Variants in DPYD observed in about 807,000 individuals in gnomAD.
The protein encoded by DPYD is dihydropyrimidine dehydrogenase [NADP(+)].
In DPYD, 109 loss-of-function variants were observed where a neutral mutation model predicts 116.2. The ratio of observed to expected loss-of-function variants is 0.94; its 90% CI spans 0.80 to 1.10. DPYD has a LOEUF of 1.10. DPYD is among the 50% of genes least tolerant of loss of function. The pLI is 0.00. For missense variants in DPYD, 1,302 were observed against 1,254.5 expected (o/e 1.04, Z -0.57); for synonymous variants, 440 against 432.0 (o/e 1.02, Z -0.23).
At chr1:97,750,725 C>T (rs1056506356) in intron 3 of DPYD, among the ~76,000 whole-genome samples, 5 of 152,134 alleles carry the variant, frequency 3.3e-5, no homozygotes, top group African/African-American at 4.8e-5. Context: ...ATTCAATTTA[C>T]ACAGGTTTGA....
intron 1 of DPYD, among the ~76,000 whole-genome samples, chr1:97,912,609 G>A (rs1674005919): frequency 1.3e-5 from 2 of 150,904 alleles, no homozygotes; most frequent in South Asian, 2.1e-4. Context: ...TTAGTTTTTT[G>A]TATGTTTTAA....
chr1:97,569,806 A>G (rs1430411849), intron 11 of DPYD, among the ~76,000 whole-genome samples: 6 of 152,062 alleles, frequency 3.9e-5, no homozygotes, highest in Admixed American at 3.9e-4. Context: ...AATTATGCTG[A>G]TCGGCACATA....
chr1:97,361,573 G>A (rs1473446004), intron 16 of DPYD, among the ~76,000 whole-genome samples: 2 of 152,124 alleles, frequency 1.3e-5, no homozygotes, highest in African/African-American at 2.4e-5. Context: ...CTGGCAAAGC[G>A]AATCCAGCAG....
chr1:97,691,005 T>G (rs570586558), intron 7 of DPYD, among the ~76,000 whole-genome samples: 1 of 152,158 alleles, frequency 6.6e-6, no homozygotes, highest in African/African-American at 2.4e-5. Flanking sequence ...GCATGTATTA[T>G]GTAAATCACA....
intron 2 of DPYD, among the ~76,000 whole-genome samples, chr1:97,834,342 C>A (rs934439733): frequency 2.6e-5 from 4 of 151,602 alleles, no homozygotes; most frequent in African/African-American, 9.7e-5. Flanking sequence ...CATTGAGACA[C>A]CAAGGTTTAA....
At chr1:97,224,378 T>C (rs1289584863) in intron 19 of DPYD, among the ~76,000 whole-genome samples, 1 of 152,034 alleles carries the variant, frequency 6.6e-6, no homozygotes, top group East Asian at 1.9e-4. Context: ...TGAAGCATTT[T>C]ATCCATTTTA....
At chr1:97,840,759 GAAC>G (rs1447609135) in intron 2 of DPYD, among the ~76,000 whole-genome samples, 4 of 152,040 alleles carry the variant, frequency 2.6e-5, no homozygotes, top group Non-Finnish European at 5.9e-5. Context: ...CAAATTCAAG[GAAC>G]AACAGCCTCA....
At chr1:97,365,170 A>C (rs1351905892) in intron 16 of DPYD, among the ~76,000 whole-genome samples, 1 of 152,160 alleles carries the variant, frequency 6.6e-6, no homozygotes, top group Non-Finnish European at 1.5e-5. Flanking sequence ...CCTGAAATGC[A>C]GTCTCCTTTA....
intron 8 of DPYD, among the ~76,000 whole-genome samples, chr1:97,627,138 G>T (rs1490669973): frequency 6.6e-6 from 1 of 151,812 alleles, no homozygotes; most frequent in Non-Finnish European, 1.5e-5. Context: ...ACTTCCCAAA[G>T]ACCCCACCTC....
At chr1:97,724,986 A>AGAGAGAGAGAGAG (rs3075442) in intron 4 of DPYD, among the ~76,000 whole-genome samples, 10 of 149,044 alleles carry the variant, frequency 6.7e-5, no homozygotes, top group South Asian at 2.1e-4. Flanking sequence ...AGAGAGAGAG[A>AGAGAGAGAGAGAG]AAGTTATCCA....
intron 15 of DPYD, among the ~76,000 whole-genome samples, chr1:97,374,264 T>C (rs994331110): frequency 1.3e-5 from 2 of 152,188 alleles, no homozygotes; most frequent in Non-Finnish European, 2.9e-5. Flanking sequence ...AATTACTTAA[T>C]AGGAATCCTT....
At chr1:97,230,075 TG>T (rs1427884606) in intron 19 of DPYD, among the ~76,000 whole-genome samples, 3 of 152,178 alleles carry the variant, frequency 2.0e-5, no homozygotes, top group Non-Finnish European at 4.4e-5. Context: ...TAGCTTATGA[TG>T]GGGCCTGGCA....
At position 97,168,889 on chromosome 1, in the gene DPYD, C is replaced by T. The variant is rs544422630; in HGVS notation, c.2622+24180G>A. On this transcript the variant is annotated intron_variant, in intron 20 of 22. Transcript: ENST00000370192. ...TGAGACAGAGTCTCACTCTGTCACCCAGGCTGCAGTGCATTGGCATGATCG... is the reference window on the plus strand; with the variant it reads ...TGAGACAGAGTCTCACTCTGTCACCTAGGCTGCAGTGCATTGGCATGATCG... 4.0e-5 allele frequency among the ~76,000 whole-genome samples: 6 copies of T among 151,688 alleles called. No individual in the cohort carries two copies. The South Asian group carries it at 1.3e-3, about 32-fold the overall frequency.
At chr1:97,783,080 T>C (rs778921134) in intron 3 of DPYD, among the ~76,000 whole-genome samples, 9 of 152,246 alleles carry the variant, frequency 5.9e-5, no homozygotes, top group Non-Finnish European at 1.3e-4. Flanking sequence ...ATGTCCCCTT[T>C]CTATTTCTTA....
At chr1:97,920,757 A>C in intron 1 of DPYD, 127 bp downstream of exon 1, 2 of 1,343,696 alleles carry the variant, frequency 1.5e-6, no homozygotes, top group Admixed American at 2.0e-5. Context: ...CAGAGCTCCC[A>C]CGGGGGAAAC....
chr1:97,887,469 TAAAA>T (rs57316508), intron 1 of DPYD, among the ~76,000 whole-genome samples: 884 of 47,132 alleles, frequency 0.019, 17 homozygotes, highest in East Asian at 0.036. Context: ...GACTCTGCAT[TAAAA>T]AAAAAAAAAA....
intron 5 of DPYD, among the ~76,000 whole-genome samples, chr1:97,719,039 C>T (rs1176238753): frequency 1.3e-5 from 2 of 151,116 alleles, no homozygotes; most frequent in Admixed American, 1.3e-4. Context: ...TCACAATCAC[C>T]CCGGTAGCCT....
intron 19 of DPYD, among the ~76,000 whole-genome samples, chr1:97,230,105 C>T (rs546539368): frequency 6.6e-6 from 1 of 152,224 alleles, no homozygotes; most frequent in South Asian, 2.1e-4. Context: ...TAAATTTAGG[C>T]AAACAGATTT....
chr1:97,160,924 A>G (rs1253440119), intron 20 of DPYD, among the ~76,000 whole-genome samples: 1 of 152,172 alleles, frequency 6.6e-6, no homozygotes, highest in Non-Finnish European at 1.5e-5. Context: ...GGATAGCCTT[A>G]GTTAACTTGG....
Sources: allele counts gnomAD v4.1 joint callset (sites outside exome capture counted in the v4.1 genomes callset), GRCh38; gene constraint gnomAD v4.1.1; transcripts MANE v1.5; gene names NCBI Gene and HGNC (gene_info 2026-07-23, HGNC 2026-07-21).